HOOK3: variants seen among roughly 807,000 people sequenced by gnomAD.
The protein encoded by HOOK3 is hook microtubule tethering protein 3.
In HOOK3, 24 loss-of-function variants were observed where a neutral mutation model predicts 116.3. The ratio of observed to expected loss-of-function variants is 0.21; its 90% CI spans 0.15 to 0.29. HOOK3 has a LOEUF of 0.29. Among genes scored for constraint, HOOK3 ranks in the 10% least tolerant of loss-of-function variants. HOOK3 has a pLI of 1.00. For synonymous variants in HOOK3, 275 were observed against 283.0 expected, an observed-to-expected ratio of 0.97 and a Z score of 0.28; for missense variants, 632 against 830.2, an observed-to-expected ratio of 0.76 and a Z score of 2.93.
At chr8:42,977,789 C>T (rs1268801008) in intron 13 of HOOK3, among the ~76,000 whole-genome samples, 2 of 152,138 alleles carry the variant, frequency 1.3e-5, no homozygotes, top group African/African-American at 4.8e-5. Context: ...ATTGCTTGAA[C>T]TCGGGAGGTG....
At chr8:42,997,782 A>T in intron 16 of HOOK3, 145 bp downstream of exon 16, 1 of 633,658 alleles carries the variant, frequency 1.6e-6, no homozygotes, top group Non-Finnish European at 2.9e-6. Flanking sequence ...TTTTACTAAC[A>T]TTCCTTATAA....
intron 10 of HOOK3, 98 bp from the exon 11 acceptor site, chr8:42,967,915 C>A: frequency 1.4e-6 from 1 of 699,256 alleles, no homozygotes; most frequent in Non-Finnish European, 2.5e-6. Context: ...TGTCTTATTT[C>A]ATTAGATGTG....
At chr8:42,907,088 T>C (rs1807325034) in intron 2 of HOOK3, among the ~76,000 whole-genome samples, 1 of 152,236 alleles carries the variant, frequency 6.6e-6, no homozygotes, top group Non-Finnish European at 1.5e-5. Context: ...TAAAGGATTA[T>C]GTGTGAATTT....
At chr8:42,936,910 G>C (rs1807981795) in intron 4 of HOOK3, among the ~76,000 whole-genome samples, 1 of 152,100 alleles carries the variant, frequency 6.6e-6, no homozygotes, top group African/African-American at 2.4e-5. Context: ...CTCATCAAAT[G>C]AGTTAGGGAG....
chr8:42,914,858 T>C (rs1161633528), intron 2 of HOOK3, among the ~76,000 whole-genome samples: 1 of 152,218 alleles, frequency 6.6e-6, no homozygotes, highest in African/African-American at 2.4e-5. Flanking sequence ...GGCTCATGCC[T>C]GTAATCCCAG....
chr8:42,897,141 G>C lies in HOOK3; in HGVS notation c.10G>C (p.Val4Leu). Residue 4 changes from valine (V) to leucine (L), a missense_variant, in exon 1 of 22, where the codon GTA becomes CTA. Val to Leu is a conservative substitution (Grantham distance 32, BLOSUM62 1). Coordinates refer to ENST00000307602, the MANE Select transcript of HOOK3 (RefSeq NM_032410.4). MFS[V>L]ESLERAELCE... The stretch of plus-strand genomic sequence containing the variant: ...GGCCGCGGCGGGGAAGATGTTCAGC[G>C]TAGAGTCGCTGGAGCGGGCGGAGCT... 8.0e-7 allele frequency: 1 copy of C among 1,247,570 alleles called. No individual in the cohort carries two copies. The highest frequency in any genetic ancestry group is 1.0e-6 in the Non-Finnish European group (1 of 990,462). 77.3% of individuals were successfully genotyped at this position (1,247,570 alleles called of 1,614,324 possible).
At chr8:42,973,237 T>C (rs559596564) in intron 11 of HOOK3, 52 bp from the exon 12 acceptor site, 7 of 1,544,472 alleles carry the variant, frequency 4.5e-6, no homozygotes, top group African/African-American at 4.2e-5. Flanking sequence ...AAAATAAGGA[T>C]AATTTCTAAT....
At chr8:42,926,306 AGATG>A in intron 3 of HOOK3, among the ~76,000 whole-genome samples, 1 of 152,158 alleles carries the variant, frequency 6.6e-6, no homozygotes, top group Middle Eastern at 3.4e-3. Context: ...TTGTTTTTTG[AGATG>A]GAGTCTTCTC....
intron 5 of HOOK3, among the ~76,000 whole-genome samples, chr8:42,948,898 A>G (rs1057407970): frequency 1.3e-5 from 2 of 152,252 alleles, no homozygotes; most frequent in Non-Finnish European, 2.9e-5. Context: ...GTATATTTGT[A>G]CTTATAACCA....
At chr8:42,907,816 C>CAAAAAAAAAAAAAA (rs71550426) in intron 2 of HOOK3, among the ~76,000 whole-genome samples, 5 of 46,192 alleles carry the variant, frequency 1.1e-4, no homozygotes, top group East Asian at 6.8e-4. Flanking sequence ...AGCAACGAGG[C>CAAAAAAAAAAAAAA]AAAAAAAAAA....
In HOOK3 at chr8:42,968,126, C is replaced by G; in HGVS notation, c.1034C>G (p.Thr345Ser). The G allele has an allele frequency of 1.2e-6, 2 of 1,612,564 alleles. No individual in the cohort carries two copies. The highest frequency in any genetic ancestry group is 1.7e-6 in the Non-Finnish European group (2 of 1,178,726). ...RQVKLLEEKN[T>S]MYMQNTVSLE... ...GTTAAACTCTTAGAAGAGAAGAATACCATGTATATGCAGAATACTGTCAGT... is the reference window on the plus strand; with the variant it reads ...GTTAAACTCTTAGAAGAGAAGAATAGCATGTATATGCAGAATACTGTCAGT... The change falls in exon 11 of 22, where the codon ACC becomes AGC. Residue 345 changes from threonine (T) to serine (S), a missense_variant. Thr to Ser is a moderately conservative substitution (Grantham distance 58, BLOSUM62 1). Transcript: ENST00000307602.
Position 43,027,679 on chromosome 8 carries a change from G to C in HOOK3, c.*9181G>C, listed in dbSNP as rs1809956780. 9.7e-6 allele frequency: 2 copies of C among 206,282 alleles called. No individual in the cohort carries two copies. Among genetic ancestry groups the C allele is most frequent in the East Asian group, 1.5e-4 (2 of 12,904 alleles). The allele number at this position is 206,282 out of a possible 1,614,324, so 12.8% of individuals were successfully genotyped here. ...CACTAATTAATTGTTGAATGATTAA[G>C]TCTCTAAGTATCTTAACTTCCATTG... On this transcript the variant is annotated 3_prime_UTR_variant, in exon 22 of 22. Coordinates refer to ENST00000307602, the MANE Select transcript of HOOK3 (RefSeq NM_032410.4).
rs548384401 is a variant in HOOK3, at chr8:42,922,965, G to A, written c.144-2592G>A. On this transcript the variant is annotated intron_variant, in intron 2 of 21. Transcript: ENST00000307602. Reference sequence around the variant, plus strand: ...TTCACACATCATATGTCTGTTAAGAGGCTGGTATCCTGAATATTAAAACAA... The same window carrying A: ...TTCACACATCATATGTCTGTTAAGAAGCTGGTATCCTGAATATTAAAACAA... 2.0e-5 allele frequency among the ~76,000 whole-genome samples: 3 copies of A among 151,344 alleles called. No individual in the cohort carries two copies. In the East Asian group the frequency reaches 5.8e-4, roughly 29 times the overall value.
chr8:42,955,113 A>T (rs1808409919), intron 6 of HOOK3, among the ~76,000 whole-genome samples: 1 of 152,256 alleles, frequency 6.6e-6, no homozygotes, highest in South Asian at 2.1e-4. Flanking sequence ...AATTTCTTTT[A>T]CCCTCTCAAT....
At chr8:42,994,931 CTAAGATGGA>C (rs1430348411) in intron 15 of HOOK3, among the ~76,000 whole-genome samples, 3 of 152,292 alleles carry the variant, frequency 2.0e-5, no homozygotes, top group Admixed American at 6.5e-5. Flanking sequence ...TCAAAAATGA[CTAAGATGGA>C]TAGTTGAAAT....
At chr8:42,935,108 A>C (rs1326732712) in intron 4 of HOOK3, among the ~76,000 whole-genome samples, 1 of 152,106 alleles carries the variant, frequency 6.6e-6, no homozygotes, top group Non-Finnish European at 1.5e-5. Flanking sequence ...ATGGTATCTC[A>C]TTGTGGTTTT....
intron 15 of HOOK3, among the ~76,000 whole-genome samples, chr8:42,992,710 CAAAA>C (rs35064772): frequency 3.5e-5 from 2 of 56,602 alleles, no homozygotes; most frequent in East Asian, 5.7e-4. Context: ...GACTCCATCT[CAAAA>C]AAAAAAAAAA....
rs1437475219 is a variant in HOOK3 at position 42,966,524 on chromosome 8, G to A, written c.831G>A (p.Lys277=). The A allele has an allele frequency of 6.2e-7, 1 of 1,613,992 alleles. No individual in the cohort carries two copies. The highest frequency in any genetic ancestry group is 1.7e-5 in the Admixed American group (1 of 59,998). Residue 277 remains lysine (K), a synonymous_variant, in exon 10 of 22, where the codon AAG becomes AAA. Transcript: ENST00000307602. ...GAATACGTTGTGAAGAGTTAGAAAA[G>A]GAGATCTCTGAACTTCGGCAACAGA... ...DYRIRCEELE[K]EISELRQQND...
intron 4 of HOOK3, among the ~76,000 whole-genome samples, chr8:42,934,221 T>C (rs910017065): frequency 3.9e-5 from 6 of 152,156 alleles, no homozygotes; most frequent in Non-Finnish European, 7.4e-5. Context: ...GAGATGATTA[T>C]ACACCTTCTT....
Sources: gnomAD v4.1 joint callset for allele counts (sites outside exome capture counted in the v4.1 genomes callset) on GRCh38, gnomAD v4.1.1 for gene constraint, MANE v1.5 for transcripts, NCBI Gene and HGNC (gene_info 2026-07-23, HGNC 2026-07-21) for gene names.